The following PLEKHA5 variants were observed in gnomAD, a reference collection of about 807,000 sequenced individuals.
PLEKHA5 encodes the protein pleckstrin homology domain containing A5, also known as pleckstrin homology domain-containing family A member 5.
PLEKHA5 carries 55 observed loss-of-function variants against 181.9 expected under a neutral mutation model. The ratio of observed to expected loss-of-function variants is 0.30; its 90% CI spans 0.24 to 0.38. The LOEUF (loss-of-function observed/expected upper bound fraction) is 0.38, where lower values mean the gene tolerates loss of function less well. Among genes scored for constraint, PLEKHA5 ranks in the 10% least tolerant of loss-of-function variants. The pLI, the probability that PLEKHA5 is intolerant of heterozygous loss-of-function variation, is 1.00. For synonymous variants in PLEKHA5, 535 were observed against 529.4 expected, an observed-to-expected ratio of 1.01 and a Z score of -0.15; for missense variants, 1,432 against 1,549.5, an observed-to-expected ratio of 0.92 and a Z score of 1.27.
At position 19,329,810 on chromosome 12, in the gene PLEKHA5, C is replaced by G. The variant is rs191291451; in HGVS notation, c.2449-6705C>G. On this transcript the variant is annotated intron_variant, in intron 20 of 31. Transcript: ENST00000429027. ...TGATTTCCCCAGGCTGGTGTGGTGG[C>G]TCATACTTGTAATCCTAGCACTTTG... Among the ~76,000 whole-genome samples the G allele has an allele frequency of 1.3e-3, 200 of 151,908 alleles. 1 individual carries two copies. Among genetic ancestry groups the G allele is most frequent in the African/African-American group, 4.3e-3 (180 of 41,432 alleles).
intron 11 of PLEKHA5, among the ~76,000 whole-genome samples, chr12:19,278,312 C>A (rs955808906): frequency 3.9e-4 from 60 of 152,002 alleles, no homozygotes; most frequent in Non-Finnish European, 6.6e-4. Flanking sequence ...CAGGGTCCAA[C>A]CCAAACATTA....
At chr12:19,313,439 AAATT>A (rs2087326964) in intron 15 of PLEKHA5, among the ~76,000 whole-genome samples, 5 of 152,214 alleles carry the variant, frequency 3.3e-5, no homozygotes. Context: ...AAGTTTGACA[AAATT>A]AATTTATTAA....
intron 3 of PLEKHA5, among the ~76,000 whole-genome samples, chr12:19,193,283 AG>A (rs2051684809): frequency 6.6e-6 from 1 of 152,232 alleles, no homozygotes; most frequent in African/African-American, 2.4e-5. Flanking sequence ...ATGCTTCATT[AG>A]GTAAGACTTT....
At chr12:19,199,670 C>T (rs180750353) in intron 3 of PLEKHA5, among the ~76,000 whole-genome samples, 36 of 152,184 alleles carry the variant, frequency 2.4e-4, no homozygotes, top group African/African-American at 8.7e-4. Flanking sequence ...CAAGTCCCAG[C>T]AAAAAGTAGC....
chr12:19,334,499 G>A (rs1395062312), intron 20 of PLEKHA5, among the ~76,000 whole-genome samples: 2 of 152,036 alleles, frequency 1.3e-5, no homozygotes, highest in African/African-American at 2.4e-5. Context: ...ATTTCCACAA[G>A]GGAGCTTAGG....
chr12:19,365,881 G>A, intron 29 of PLEKHA5, 83 bp from the exon 30 acceptor site: 1 of 794,220 alleles, frequency 1.3e-6, no homozygotes, highest in Non-Finnish European at 1.9e-6. Flanking sequence ...AACATAGGTG[G>A]TGGCATCTTT....
chr12:19,365,932 CA>C, intron 29 of PLEKHA5, 31 bp from the exon 30 acceptor site: 1 of 1,540,712 alleles, frequency 6.5e-7, no homozygotes, highest in Non-Finnish European at 8.7e-7. Context: ...TCTATAGTGA[CA>C]AATTTTTAAA....
intron 3 of PLEKHA5, among the ~76,000 whole-genome samples, chr12:19,145,609 A>G (rs2038727679): frequency 6.6e-6 from 1 of 152,182 alleles, no homozygotes; most frequent in Non-Finnish European, 1.5e-5. Flanking sequence ...CGTTCTTTCA[A>G]TAACTGTAAA....
chr12:19,233,537 C>T (rs1336156561), intron 3 of PLEKHA5, among the ~76,000 whole-genome samples: 1 of 152,142 alleles, frequency 6.6e-6, no homozygotes, highest in South Asian at 2.1e-4. Context: ...CACCTCAATG[C>T]TGGATTTAGT....
intron 16 of PLEKHA5, among the ~76,000 whole-genome samples, chr12:19,316,126 A>G (rs2088580547): frequency 6.6e-6 from 1 of 152,062 alleles, no homozygotes; most frequent in African/African-American, 2.4e-5. Context: ...GTATTATTCC[A>G]AAACTGATAC....
At chr12:19,178,148 G>T (rs2047735493) in intron 3 of PLEKHA5, among the ~76,000 whole-genome samples, 1 of 152,164 alleles carries the variant, frequency 6.6e-6, no homozygotes, top group Admixed American at 6.5e-5. Context: ...TATTATTCCA[G>T]TGTGCTGCCC....
intron 3 of PLEKHA5, among the ~76,000 whole-genome samples, chr12:19,235,241 G>A (rs1592152934): frequency 1.3e-5 from 2 of 152,122 alleles, no homozygotes; most frequent in South Asian, 4.1e-4. Flanking sequence ...TTTAATTTTT[G>A]TTACAGCAGT....
chr12:19,239,936 C>T (rs1004675849), intron 3 of PLEKHA5, among the ~76,000 whole-genome samples: 4 of 152,190 alleles, frequency 2.6e-5, no homozygotes, highest in Admixed American at 2.0e-4. Flanking sequence ...ATTATTAAGG[C>T]TGTGTCACCA....
intron 3 of PLEKHA5, among the ~76,000 whole-genome samples, chr12:19,220,446 C>T (rs1321193173): frequency 6.6e-6 from 1 of 151,882 alleles, no homozygotes; most frequent in Admixed American, 6.6e-5. Context: ...GCTAGAGCCC[C>T]GGTTGTGGAC....
intron 3 of PLEKHA5, among the ~76,000 whole-genome samples, chr12:19,232,531 C>G (rs2060788534): frequency 6.6e-6 from 1 of 152,080 alleles, no homozygotes; most frequent in East Asian, 1.9e-4. Context: ...AACTTGAAAA[C>G]TTGATATTTT....
At chr12:19,374,674 G>A (rs1171696460) in intron 31 of PLEKHA5, among the ~76,000 whole-genome samples, 3 of 149,694 alleles carry the variant, frequency 2.0e-5, no homozygotes, top group Non-Finnish European at 4.4e-5. Flanking sequence ...TAATAAGAAG[G>A]CCAGGTGCAG....
intron 25 of PLEKHA5, among the ~76,000 whole-genome samples, chr12:19,351,710 A>C (rs1429754576): frequency 6.6e-6 from 1 of 152,198 alleles, no homozygotes; most frequent in Non-Finnish European, 1.5e-5. Context: ...AAAAAAATAC[A>C]TTGTTAGAAA....
intron 8 of PLEKHA5, among the ~76,000 whole-genome samples, chr12:19,268,051 A>T (rs892159626): frequency 6.6e-6 from 1 of 152,308 alleles, no homozygotes; most frequent in South Asian, 2.1e-4. Context: ...GACGGCCTCA[A>T]TGAGAAGGTA....
In PLEKHA5 at chr12:19,274,575, A is replaced by G. The variant is rs1458727838; in HGVS notation, c.905A>G (p.His302Arg). ...AAAGAAACCAATAACATTCCCAACC[A>G]TAGAGTGCTAATTAAACCAGAGATC... ...PTKETNNIPNHRVLIKPEIQN... is the reference protein window; with the variant it reads ...PTKETNNIPNRRVLIKPEIQN... Residue 302 changes from histidine (H) to arginine (R), a missense_variant, in exon 11 of 32, where the codon CAT (histidine) becomes CGT (arginine). By Grantham distance (29) the His-to-Arg change is conservative (BLOSUM62 0). This residue lies in a region of PLEKHA5 where 289 missense variants were observed against 381.1 expected (regional missense o/e 0.76). Transcript: ENST00000429027. 9.9e-6 allele frequency: 16 copies of G among 1,613,670 alleles called. No homozygotes were observed. The highest frequency in any genetic ancestry group is 3.3e-5 in the South Asian group (3 of 91,070).
Sources: gnomAD v4.1 joint callset for allele counts (sites outside exome capture counted in the v4.1 genomes callset) on GRCh38, gnomAD v4.1.1 for gene constraint, gnomAD v4.1.1 regional missense constraint, MANE v1.5 for transcripts, NCBI Gene and HGNC (gene_info 2026-07-23, HGNC 2026-07-21) for gene names.